TES: variants seen among roughly 807,000 people sequenced by gnomAD.
The protein encoded by TES is testin.
In TES, 41 loss-of-function variants were observed where a neutral mutation model predicts 48.2. That is an observed-to-expected ratio of 0.85 (90% CI 0.66 to 1.10). TES has a LOEUF of 1.10. Among genes scored for constraint, TES ranks in the 50% least tolerant of loss-of-function variants. TES has a pLI of 0.00. For synonymous variants in TES, 162 were observed against 174.9 expected, an observed-to-expected ratio of 0.93 and a Z score of 0.58; for missense variants, 463 against 515.1, an observed-to-expected ratio of 0.90 and a Z score of 0.98.
At chr7:116,226,673 G>C (rs1244099404) in intron 1 of TES, among the ~76,000 whole-genome samples, 1 of 152,188 alleles carries the variant, frequency 6.6e-6, no homozygotes, top group Non-Finnish European at 1.5e-5. Context: ...GATCAGTTAG[G>C]AGAGTGTGGT....
intron 1 of TES, chr7:116,217,935 A>G (rs1391133831): frequency 2.0e-6 from 1 of 507,498 alleles, no homozygotes. Context: ...GCATGACTAT[A>G]ATTTTCTAAG....
At position 116,212,406 on chromosome 7, in the gene TES, G is replaced by A. The variant is rs191094043; in HGVS notation, c.27+1672G>A. Among the ~76,000 whole-genome samples, 4 of 152,268 alleles carry A rather than the reference G, an allele frequency of 2.6e-5. No individual in the cohort carries two copies. In the East Asian group the frequency reaches 7.7e-4, roughly 29 times the overall value. Reference sequence around the variant, plus strand: ...CCTAATGTAAACTATGTATGTTGGGGATAATGATGTGTCAATGTGTTTCAT... The same window carrying A: ...CCTAATGTAAACTATGTATGTTGGGAATAATGATGTGTCAATGTGTTTCAT... On this transcript the variant is annotated intron_variant, in intron 1 of 6. Coordinates refer to ENST00000358204, the MANE Select transcript of TES (RefSeq NM_015641.4).
intron 1 of TES, among the ~76,000 whole-genome samples, chr7:116,223,575 A>G (rs1055852560): frequency 6.6e-6 from 1 of 152,032 alleles, no homozygotes; most frequent in African/African-American, 2.4e-5. Flanking sequence ...AAGTGTGTGT[A>G]ACTATATATT....
chr7:116,219,086 A>G lies in TES; in HGVS notation c.27+8352A>G, dbSNP rs1439354068. ...ACTGTTATGAAGTCTTAGAAGCAGA[A>G]GTAACTAACTTTAATTGTGTGGGTT... On this transcript the variant is annotated intron_variant, in intron 1 of 6. Transcript: ENST00000358204. Among the ~76,000 whole-genome samples, 3 of 152,278 alleles carry G rather than the reference A, an allele frequency of 2.0e-5. No homozygotes were observed. The East Asian group carries it at 5.8e-4, about 29-fold the overall frequency.
At chr7:116,255,138 A>G (rs1272511182) in intron 6 of TES, 1 of 152,130 alleles carries the variant, frequency 6.6e-6, no homozygotes, top group Non-Finnish European at 1.5e-5. Flanking sequence ...TGTAGTCACT[A>G]GAACTCCATA....
chr7:116,220,135 T>A (rs980942040), intron 1 of TES, among the ~76,000 whole-genome samples: 4 of 152,184 alleles, frequency 2.6e-5, no homozygotes, highest in African/African-American at 9.6e-5. Context: ...ATGGAAAATA[T>A]ATTCTGTGAA....
At chr7:116,250,696 A>G (rs1476930285) in intron 4 of TES, among the ~76,000 whole-genome samples, 200 bp downstream of exon 4, 2 of 152,170 alleles carry the variant, frequency 1.3e-5, no homozygotes, top group Non-Finnish European at 2.9e-5. Context: ...CAAATTTTCT[A>G]TGTATTTATT....
intron 1 of TES, among the ~76,000 whole-genome samples, chr7:116,227,112 ATTTATTTATTTAT>A (rs1799632044): frequency 6.8e-6 from 1 of 148,080 alleles, no homozygotes; most frequent in African/African-American, 2.5e-5. Flanking sequence ...TTATTTATTT[ATTTATTTATTTAT>A]TTATTTATTG....
chr7:116,235,426 C>A (rs1185170882), intron 2 of TES, among the ~76,000 whole-genome samples: 1 of 152,024 alleles, frequency 6.6e-6, no homozygotes, highest in East Asian at 1.9e-4. Flanking sequence ...TAGTGAAAAA[C>A]CATTGAAACA....
At position 116,235,177 on chromosome 7, in the gene TES, C is replaced by A. The variant is rs1447585309; in HGVS notation, c.113+558C>A. Among the ~76,000 whole-genome samples the A allele has an allele frequency of 2.6e-5, 4 of 152,184 alleles. No homozygotes were observed. The East Asian group carries it at 7.7e-4, about 29-fold the overall frequency. Reference sequence around the variant, plus strand: ...TGTTGGCAAGGCTGGTCTCAAACTCCTGACCTCAAGTGATCAGCCCACCTC... The same window carrying A: ...TGTTGGCAAGGCTGGTCTCAAACTCATGACCTCAAGTGATCAGCCCACCTC... On this transcript the variant is annotated intron_variant, in intron 2 of 6. Coordinates refer to ENST00000358204, the MANE Select transcript of TES (RefSeq NM_015641.4).
At chr7:116,242,507 A>ATCTCTC (rs60510276) in intron 2 of TES, among the ~76,000 whole-genome samples, 32 of 141,964 alleles carry the variant, frequency 2.3e-4, no homozygotes, top group South Asian at 4.6e-4. Context: ...TTCACCACCT[A>ATCTCTC]TCTCTCTCTC....
At chr7:116,232,990 G>C (rs1427618487) in intron 1 of TES, among the ~76,000 whole-genome samples, 1 of 152,184 alleles carries the variant, frequency 6.6e-6, no homozygotes, top group African/African-American at 2.4e-5. Context: ...AAAAGGAAAG[G>C]CTTCACTTAA....
At chr7:116,233,916 G>A (rs1799732346) in intron 1 of TES, among the ~76,000 whole-genome samples, 1 of 152,158 alleles carries the variant, frequency 6.6e-6, no homozygotes, top group South Asian at 2.1e-4. Context: ...TCCCATCAAT[G>A]AGGGTGGAGC....
At chr7:116,242,507 A>ATC (rs60510276) in intron 2 of TES, among the ~76,000 whole-genome samples, 6,599 of 141,888 alleles carry the variant, frequency 0.047, 153 homozygotes, top group East Asian at 0.085. Flanking sequence ...TTCACCACCT[A>ATC]TCTCTCTCTC....
In TES at chr7:116,249,084, G is replaced by T. The variant is rs764438091; in HGVS notation, c.178G>T (p.Asp60Tyr). The T allele has an allele frequency of 6.2e-7, 1 of 1,614,004 alleles. No individual in the cohort carries two copies. The highest frequency in any genetic ancestry group is 1.1e-5 in the South Asian group (1 of 91,070). ...TGATGTCCTCTTGAGCAATGAAGAG[G>T]ATCGAAAAGTGGGAAAACTTTTTGA... ...EHDVLLSNEEDRKVGKLFEDT... is the reference protein window; with the variant it reads ...EHDVLLSNEEYRKVGKLFEDT... The change falls in exon 3 of 7, where the codon GAT becomes TAT. Residue 60 changes from aspartate to tyrosine, a missense_variant. Transcript: ENST00000358204.
intron 1 of TES, among the ~76,000 whole-genome samples, chr7:116,219,694 C>T (rs1799534180): frequency 6.6e-6 from 1 of 152,112 alleles, no homozygotes; most frequent in Non-Finnish European, 1.5e-5. Flanking sequence ...ATGTTGAATA[C>T]TATTACGTGG....
chr7:116,222,587 T>TA (rs2116578254), intron 1 of TES, among the ~76,000 whole-genome samples: 1 of 152,300 alleles, frequency 6.6e-6, no homozygotes, highest in South Asian at 2.1e-4. Flanking sequence ...CCATAGCCTT[T>TA]AGGCATCGCA....
intron 2 of TES, among the ~76,000 whole-genome samples, chr7:116,246,133 A>G (rs1799920511): frequency 6.6e-6 from 1 of 152,082 alleles, no homozygotes; most frequent in African/African-American, 2.4e-5. Flanking sequence ...CAAATAAACC[A>G]CTAAGTTTAG....
chr7:116,226,826 A>G (rs12671149), intron 1 of TES, among the ~76,000 whole-genome samples: 19,721 of 152,184 alleles, frequency 0.13, 1,696 homozygotes, highest in East Asian at 0.43. Flanking sequence ...TCTGGGCCCC[A>G]GGTTGGGTGA....
Sources: gnomAD v4.1 joint callset for allele counts (sites outside exome capture counted in the v4.1 genomes callset) on GRCh38, gnomAD v4.1.1 for gene constraint, MANE v1.5 for transcripts, NCBI Gene and HGNC (gene_info 2026-07-23, HGNC 2026-07-21) for gene names.